Variants in ABCB1 observed in about 807,000 individuals in gnomAD.
ABCB1 encodes ATP binding cassette subfamily B member 1, also known as ATP-dependent translocase ABCB1.
ABCB1 carries 69 observed loss-of-function variants against 142.0 expected under a neutral mutation model. The observed-to-expected ratio is 0.49, with a 90% CI of 0.40 to 0.59. ABCB1 has a LOEUF of 0.59. Ranked by LOEUF, ABCB1 falls within the 20% of genes least tolerant of loss-of-function variation. ABCB1 has a pLI of 0.00. For synonymous variants in ABCB1, 532 were observed against 539.2 expected (o/e 0.99, Z 0.18); for missense variants, 1,326 against 1,554.7 (o/e 0.85, Z 2.47).
At chr7:87,627,202 A>G (rs1405006557) in intron 1 of ABCB1, among the ~76,000 whole-genome samples, 1 of 152,232 alleles carries the variant, frequency 6.6e-6, no homozygotes, top group Non-Finnish European at 1.5e-5. Flanking sequence ...AGGAATTTAC[A>G]ACTTTATTAC....
At chr7:87,567,747 A>G (rs1010295833) in intron 5 of ABCB1, among the ~76,000 whole-genome samples, 1 of 152,176 alleles carries the variant, frequency 6.6e-6, no homozygotes, top group Non-Finnish European at 1.5e-5. Flanking sequence ...ACAGACCCTT[A>G]ATCAATCTAG....
intron 1 of ABCB1, among the ~76,000 whole-genome samples, chr7:87,661,423 C>A (rs1824705245): frequency 6.6e-6 from 1 of 151,390 alleles, no homozygotes; most frequent in Non-Finnish European, 1.5e-5. Context: ...CCTTCACTAC[C>A]CTCCCCAGCC....
chr7:87,629,897 G>A (rs1821028533), intron 1 of ABCB1, among the ~76,000 whole-genome samples: 2 of 150,454 alleles, frequency 1.3e-5, no homozygotes, highest in Admixed American at 6.6e-5. Context: ...CACTCCAGCC[G>A]GGACCACAGG....
intron 1 of ABCB1, among the ~76,000 whole-genome samples, chr7:87,614,112 T>C (rs749180562): frequency 6.6e-6 from 1 of 152,098 alleles, no homozygotes; most frequent in Non-Finnish European, 1.5e-5. Context: ...ATAATTATAA[T>C]ATGATGAGTG....
At chr7:87,679,127 C>G (rs1231246275) in intron 1 of ABCB1, among the ~76,000 whole-genome samples, 1 of 115,332 alleles carries the variant, frequency 8.7e-6, no homozygotes, top group Admixed American at 1.0e-4. Context: ...GAGTCCCGCT[C>G]TTTCCCCCAG....
chr7:87,644,148 C>T (rs1405367515), intron 1 of ABCB1, among the ~76,000 whole-genome samples: 4 of 152,244 alleles, frequency 2.6e-5, no homozygotes, highest in South Asian at 2.1e-4. Flanking sequence ...CGTGAGCCAC[C>T]GTGCCCAGAC....
chr7:87,686,175 A>G (rs1827439370), intron 1 of ABCB1, among the ~76,000 whole-genome samples: 2 of 151,912 alleles, frequency 1.3e-5, no homozygotes, highest in Middle Eastern at 3.4e-3. Context: ...CAATTTTTCT[A>G]TTCTCTTTAC....
intron 1 of ABCB1, among the ~76,000 whole-genome samples, chr7:87,687,656 A>G (rs1415581070): frequency 2.6e-5 from 4 of 152,058 alleles, no homozygotes; most frequent in Admixed American, 2.6e-4. Flanking sequence ...GAAGAGTAAT[A>G]ATTTCTTTAT....
rs750091276 is a variant in ABCB1, at chr7:87,585,603, A to G, written c.195T>C (p.Leu65=). 30 of 1,613,940 alleles carry G rather than the reference A, an allele frequency of 1.9e-5. No homozygotes were observed. In the South Asian group the frequency reaches 3.1e-4, roughly 17 times the overall value. Reference sequence around the variant, plus strand: ...CTCCAAACACCAGCATCATGAGAGGAAGTCCAGCCCCATGGATGATGGCAG... The same window carrying G: ...CTCCAAACACCAGCATCATGAGAGGGAGTCCAGCCCCATGGATGATGGCAG... The part of the protein sequence containing the change: ...TLAAIIHGAG[L]PLMMLVFGEM... Residue 65 remains leucine (L), a synonymous_variant, in exon 4 of 28, where the codon CTT becomes CTC. Transcript: ENST00000622132.
chr7:87,688,905 T>A (rs968912629), intron 1 of ABCB1, among the ~76,000 whole-genome samples: 10 of 152,004 alleles, frequency 6.6e-5, no homozygotes, highest in African/African-American at 2.4e-4. Context: ...ATCTTTATAT[T>A]TTATAACCAA....
chr7:87,624,988 G>A (rs888120816), intron 1 of ABCB1, among the ~76,000 whole-genome samples: 23 of 152,276 alleles, frequency 1.5e-4, no homozygotes, highest in African/African-American at 4.6e-4. Flanking sequence ...TGGGCGCGGC[G>A]GCTCACGCCT....
chr7:87,570,999 C>T (rs971355943), intron 4 of ABCB1, among the ~76,000 whole-genome samples: 2 of 152,058 alleles, frequency 1.3e-5, no homozygotes, highest in Non-Finnish European at 2.9e-5. Flanking sequence ...CAATATTTTA[C>T]TGTTACAAGC....
intron 1 of ABCB1, among the ~76,000 whole-genome samples, chr7:87,682,724 G>T (rs191636829): frequency 6.6e-6 from 1 of 152,296 alleles, no homozygotes; most frequent in East Asian, 1.9e-4. Flanking sequence ...CATTTATAGA[G>T]CTCAGGCAGA....
At chr7:87,586,418 T>C (rs1818759098) in intron 3 of ABCB1, among the ~76,000 whole-genome samples, 1 of 152,148 alleles carries the variant, frequency 6.6e-6, no homozygotes, top group African/African-American at 2.4e-5. Flanking sequence ...TGATTAATAC[T>C]GCTTCCCTAT....
chr7:87,510,309 G>C (rs923952647), intron 25 of ABCB1, among the ~76,000 whole-genome samples: 3 of 152,250 alleles, frequency 2.0e-5, no homozygotes, highest in African/African-American at 7.2e-5. Flanking sequence ...AGGAACTACA[G>C]GGGATGGATA....
At chr7:87,558,533 T>C (rs976568782) in intron 8 of ABCB1, among the ~76,000 whole-genome samples, 8 of 152,298 alleles carry the variant, frequency 5.3e-5, no homozygotes, top group African/African-American at 1.9e-4. Context: ...TTTTTTTCAT[T>C]CTTACTCTTA....
intron 1 of ABCB1, among the ~76,000 whole-genome samples, chr7:87,624,376 T>C (rs1319337430): frequency 6.6e-6 from 1 of 152,242 alleles, no homozygotes; most frequent in Non-Finnish European, 1.5e-5. Flanking sequence ...GAATAAACTA[T>C]GGTTTGGTGA....
At chr7:87,687,027 C>G (rs926329288) in intron 1 of ABCB1, among the ~76,000 whole-genome samples, 1 of 151,494 alleles carries the variant, frequency 6.6e-6, no homozygotes, top group African/African-American at 2.4e-5. Context: ...AAATGTAGCA[C>G]TTATTAAAGA....
At chr7:87,670,816 C>CTTGTTTGG (rs1437045661) in intron 1 of ABCB1, among the ~76,000 whole-genome samples, 1 of 152,152 alleles carries the variant, frequency 6.6e-6, no homozygotes, top group Non-Finnish European at 1.5e-5. Context: ...AGTTGGTAGA[C>CTTGTTTGG]TTGTTTGGTT....
Sources: gnomAD v4.1 joint callset for allele counts (sites outside exome capture counted in the v4.1 genomes callset) on GRCh38, gnomAD v4.1.1 for gene constraint, MANE v1.5 for transcripts, NCBI Gene and HGNC (gene_info 2026-07-23, HGNC 2026-07-21) for gene names.